The following TENM2 variants were observed in gnomAD, a reference collection of about 807,000 sequenced individuals.
TENM2 encodes the protein teneurin transmembrane protein 2, also known as teneurin-2.
Under a neutral mutation model 245.2 loss-of-function variants are expected in TENM2, and 52 were observed. The ratio of observed to expected loss-of-function variants is 0.21; its 90% CI spans 0.17 to 0.27. The LOEUF is 0.27. TENM2 is among the 10% of genes least tolerant of loss of function. The pLI is 1.00. For synonymous variants in TENM2, 1,363 were observed against 1,438.9 expected, an observed-to-expected ratio of 0.95 and a Z score of 1.19; for missense variants, 3,046 against 3,666.8, an observed-to-expected ratio of 0.83 and a Z score of 4.37.
At chr5:167,046,410 A>G in the TENM2 span, among the ~76,000 whole-genome samples, 4 of 152,196 alleles carry the variant, frequency 2.6e-5, no homozygotes, top group Non-Finnish European at 5.9e-5. Flanking sequence ...TATATTTAAA[A>G]CTTAAAGGTA....
the TENM2 span, among the ~76,000 whole-genome samples, chr5:167,273,528 A>G: frequency 6.6e-6 from 1 of 152,216 alleles, no homozygotes; most frequent in African/African-American, 2.4e-5. Context: ...TACATTTATT[A>G]AAAGATGGCT....
chr5:167,681,224 G>A (rs546998393), intron 2 of TENM2, among the ~76,000 whole-genome samples: 2 of 152,058 alleles, frequency 1.3e-5, no homozygotes, highest in South Asian at 4.2e-4. Flanking sequence ...ATATGCACAC[G>A]GACACACACA....
In TENM2 at chr5:167,420,239, T is replaced by C. The variant is rs371129349; in HGVS notation, c.502+44766T>C. Among the ~76,000 whole-genome samples, 16 of 152,328 alleles carry C rather than the reference T, an allele frequency of 1.1e-4. No homozygotes were observed. The South Asian group carries it at 2.7e-3, about 26-fold the overall frequency. Reference sequence around the variant, plus strand: ...AATTGTAGGCTATGAGACCTTTTAATTTTTCTAGACTATCTTAAAATCCAG... The same window carrying C: ...AATTGTAGGCTATGAGACCTTTTAACTTTTCTAGACTATCTTAAAATCCAG... On this transcript the variant is annotated intron_variant, in intron 2 of 28. Transcript: ENST00000518659.
chr5:167,124,030 A>G, the TENM2 span, among the ~76,000 whole-genome samples: 1 of 152,356 alleles, frequency 6.6e-6, no homozygotes, highest in East Asian at 1.9e-4. Flanking sequence ...ATCTTCCTGT[A>G]TGACACTGAC....
At chr5:168,004,816 G>A (rs1784699901) in intron 5 of TENM2, among the ~76,000 whole-genome samples, 1 of 144,988 alleles carries the variant, frequency 6.9e-6, no homozygotes, top group African/African-American at 2.6e-5. Context: ...GATTTATCCT[G>A]CTCTGTCACG....
At chr5:167,629,107 T>C (rs934516267) in intron 2 of TENM2, among the ~76,000 whole-genome samples, 2 of 152,190 alleles carry the variant, frequency 1.3e-5, no homozygotes, top group African/African-American at 4.8e-5. Context: ...ATTAGAAAAG[T>C]TGGGCTTAGA....
chr5:167,692,309 T>C (rs1429213887), intron 2 of TENM2, among the ~76,000 whole-genome samples: 2 of 152,166 alleles, frequency 1.3e-5, no homozygotes, highest in African/African-American at 4.8e-5. Context: ...TCACTCTAAC[T>C]TAGTAAATTA....
chr5:167,390,111 G>T (rs1001303532), intron 2 of TENM2, among the ~76,000 whole-genome samples: 1 of 152,096 alleles, frequency 6.6e-6, no homozygotes, highest in Admixed American at 6.6e-5. Context: ...AGATCACTTG[G>T]CTGCATTTTC....
intron 2 of TENM2, among the ~76,000 whole-genome samples, chr5:167,500,440 T>C (rs1252182143): frequency 6.6e-6 from 1 of 152,042 alleles, no homozygotes; most frequent in East Asian, 1.9e-4. Context: ...TAATCTGCAG[T>C]GTAGCTAATT....
At chr5:167,960,008 G>A (rs1780876396) in intron 4 of TENM2, among the ~76,000 whole-genome samples, 1 of 152,218 alleles carries the variant, frequency 6.6e-6, no homozygotes, top group Non-Finnish European at 1.5e-5. Flanking sequence ...CTATTTGCCT[G>A]GGTATCACCA....
At chr5:168,170,787 GTGGTTT>G (rs141322889) in intron 13 of TENM2, among the ~76,000 whole-genome samples, 15,198 of 152,144 alleles carry the variant, frequency 0.1, 841 homozygotes, top group Middle Eastern at 0.17. Context: ...AAAAGTTATT[GTGGTTT>G]TGGCCATTGA....
chr5:168,208,818 A>G (rs1346018902), intron 19 of TENM2, among the ~76,000 whole-genome samples: 1 of 152,226 alleles, frequency 6.6e-6, no homozygotes, highest in Non-Finnish European at 1.5e-5. Context: ...GGCTCTATCT[A>G]AGAAGAAAAA....
intron 2 of TENM2, among the ~76,000 whole-genome samples, chr5:167,532,745 C>CATATATACACACATATGTGT (rs1771594251): frequency 7.6e-6 from 1 of 131,338 alleles, no homozygotes; most frequent in African/African-American, 4.0e-5. Context: ...TACACACACC[C>CATATATACACACATATGTGT]ATATATACAC....
chr5:167,551,011 G>A (rs1361519161), intron 2 of TENM2, among the ~76,000 whole-genome samples: 1 of 152,100 alleles, frequency 6.6e-6, no homozygotes, highest in Non-Finnish European at 1.5e-5. Context: ...TTACAGGCGT[G>A]AGCCACCATG....
At chr5:167,916,442 C>T (rs1383203008) in intron 3 of TENM2, among the ~76,000 whole-genome samples, 3 of 152,144 alleles carry the variant, frequency 2.0e-5, no homozygotes, top group Non-Finnish European at 4.4e-5. Context: ...CCCCACTGCT[C>T]GGTGGTGCAC....
intron 2 of TENM2, among the ~76,000 whole-genome samples, chr5:167,683,216 C>T (rs2150382244): frequency 6.6e-6 from 1 of 151,156 alleles, no homozygotes; most frequent in East Asian, 1.9e-4. Context: ...TTGCCTGTAT[C>T]CTCTAATATC....
chr5:167,009,434 C>T, the TENM2 span, among the ~76,000 whole-genome samples: 1 of 152,052 alleles, frequency 6.6e-6, no homozygotes, highest in African/African-American at 2.4e-5. Flanking sequence ...AAATAAATGA[C>T]TACATAATTA....
intron 1 of TENM2, among the ~76,000 whole-genome samples, chr5:167,371,446 C>T (rs923481413): frequency 1.3e-5 from 2 of 150,962 alleles, no homozygotes; most frequent in Non-Finnish European, 2.9e-5. Flanking sequence ...ACCACAACCT[C>T]CGCCTTCCGG....
chr5:167,400,442 C>G (rs1349870706), intron 2 of TENM2, among the ~76,000 whole-genome samples: 1 of 152,028 alleles, frequency 6.6e-6, no homozygotes, highest in East Asian at 1.9e-4. Flanking sequence ...AGGAGAACAT[C>G]TGACTGGGAA....
Sources: gnomAD v4.1 joint callset for allele counts (sites outside exome capture counted in the v4.1 genomes callset) on GRCh38, gnomAD v4.1.1 for gene constraint, MANE v1.5 for transcripts, NCBI Gene and HGNC (gene_info 2026-07-23, HGNC 2026-07-21) for gene names.